The following HESX1 variants were observed in gnomAD, a reference collection of about 807,000 sequenced individuals.
HESX1 encodes HESX homeobox 1, also known as homeobox expressed in ES cells 1.
Under a neutral mutation model 22.5 loss-of-function variants are expected in HESX1, and 11 were observed. The observed-to-expected ratio is 0.49, with a 90% CI of 0.31 to 0.81. The LOEUF (loss-of-function observed/expected upper bound fraction) is 0.81. Among genes scored for constraint, HESX1 ranks in the 30% least tolerant of loss-of-function variants. The pLI, the probability that HESX1 is intolerant of heterozygous loss-of-function variation, is 0.05. For synonymous variants in HESX1, 74 were observed against 76.5 expected, an observed-to-expected ratio of 0.97 and a Z score of 0.17; for missense variants, 201 against 212.6, an observed-to-expected ratio of 0.95 and a Z score of 0.34.
At chr3:57,218,439 C>CTTT (rs60734023) in intron 1 of HESX1, among the ~76,000 whole-genome samples, 190 of 102,132 alleles carry the variant, frequency 1.9e-3, no homozygotes, top group African/African-American at 2.1e-3. Flanking sequence ...TGATCTCATT[C>CTTT]TTTTTTTTTT....
At chr3:57,212,144 A>G (rs1205305701) in intron 1 of HESX1, among the ~76,000 whole-genome samples, 1 of 152,112 alleles carries the variant, frequency 6.6e-6, no homozygotes, top group Non-Finnish European at 1.5e-5. Context: ...AAAGTATTAT[A>G]TTTTTCATTT....
At chr3:57,208,148 T>C (rs983556165) in intron 1 of HESX1, among the ~76,000 whole-genome samples, 1 of 152,096 alleles carries the variant, frequency 6.6e-6, no homozygotes, top group Non-Finnish European at 1.5e-5. Context: ...GAGGAAACTT[T>C]TTGGGGTGAT....
intron 1 of HESX1, among the ~76,000 whole-genome samples, chr3:57,211,184 C>T (rs1252810051): frequency 7.8e-6 from 1 of 127,582 alleles, no homozygotes. Flanking sequence ...TGCCATTGCA[C>T]TCCAGCCTGG....
chr3:57,199,992 T>A, upstream of HESX1: 3 of 1,313,774 alleles, frequency 2.3e-6, no homozygotes, highest in Non-Finnish European at 3.3e-6. Context: ...GCTGGGATCT[T>A]CCTGCAGTTC....
At chr3:57,201,903 C>CTA, upstream of HESX1, among the ~76,000 whole-genome samples, 1 of 151,622 alleles carries the variant, frequency 6.6e-6, no homozygotes, top group Non-Finnish European at 1.5e-5. Flanking sequence ...ATCTATCTAT[C>CTA]TATCTATCTA....
At chr3:57,208,875 A>T (rs1431752387) in intron 1 of HESX1, among the ~76,000 whole-genome samples, 1 of 151,710 alleles carries the variant, frequency 6.6e-6, no homozygotes, top group Non-Finnish European at 1.5e-5. Context: ...GCATGAGAAT[A>T]GCTTGAACTG....
rs1027014159 is a variant in HESX1, at chr3:57,199,269, A to T, written c.158-317T>A. 1.1e-4 allele frequency among the ~76,000 whole-genome samples: 17 copies of T among 152,338 alleles called. No individual in the cohort carries two copies. The East Asian group carries it at 2.3e-3, about 21-fold the overall frequency. On this transcript the variant is annotated intron_variant, in intron 1 of 3. Transcript: ENST00000295934. ...GTGAGTGAATTTATCCACTTTGCTC[A>T]ATCCAAAGCTGATATTCTTTTAATT...
At position 57,207,098 on chromosome 3, in the gene HESX1, C is replaced by T. The variant is rs539407288; in HGVS notation, c.-110-7070G>A. Among the ~76,000 whole-genome samples the T allele has an allele frequency of 3.9e-5, 6 of 152,306 alleles. No homozygotes were observed. In the East Asian group the frequency reaches 7.7e-4, roughly 20 times the overall value. ...GAGTAACTGGGATTACAGGTGCGTG[C>T]CACCATGCCGGGCTAATTTTTTGTA... On this transcript the variant is annotated intron_variant, in intron 1 of 2. Transcript: ENST00000495160.
At chr3:57,198,326 A>C in intron 3 of HESX1, 31 bp from the exon 4 acceptor site, 2 of 1,569,772 alleles carry the variant, frequency 1.3e-6, no homozygotes, top group East Asian at 4.5e-5. Flanking sequence ...AATAGGTCTC[A>C]GAAACATTAT....
chr3:57,202,171 G>A (rs1400379535), upstream of HESX1, among the ~76,000 whole-genome samples: 3 of 151,786 alleles, frequency 2.0e-5, no homozygotes, highest in Non-Finnish European at 2.9e-5. Flanking sequence ...CGCCCGCTTC[G>A]GCCTCCCAAA....
chr3:57,212,928 G>A (rs1156432553), intron 1 of HESX1, among the ~76,000 whole-genome samples: 1 of 152,010 alleles, frequency 6.6e-6, no homozygotes, highest in Non-Finnish European at 1.5e-5. Flanking sequence ...TTCTCCTAAT[G>A]CTATCCCTCC....
At chr3:57,203,296 T>C (rs2060500550), upstream of HESX1, among the ~76,000 whole-genome samples, 2 of 152,114 alleles carry the variant, frequency 1.3e-5, no homozygotes, top group South Asian at 4.1e-4. Flanking sequence ...GACAATTGTT[T>C]AGCGGCAAAA....
At chr3:57,217,716 T>G (rs762159963) in intron 1 of HESX1, among the ~76,000 whole-genome samples, 2 of 152,120 alleles carry the variant, frequency 1.3e-5, no homozygotes, top group Non-Finnish European at 2.9e-5. Context: ...CCCCTTGGGT[T>G]CTGAAATCCT....
At position 57,198,796 on chromosome 3, in the gene HESX1, C is replaced by T. The variant is rs766914479; in HGVS notation, c.314G>A (p.Trp105Ter). Reference sequence around the variant, plus strand: ...AGTTCTTGGTCTTCGGCCTCTATACCAACTCAACTCTCTTTTCAAAGACAG... The same window carrying T: ...AGTTCTTGGTCTTCGGCCTCTATACTAACTCAACTCTCTTTTCAAAGACAG... ...ERLSLKRELSWYRGRRPRTAF... is the reference protein window; with the variant it reads ...ERLSLKRELS Residue 105 changes from tryptophan to a stop codon, truncating the protein, a stop_gained, in exon 2 of 4, where the codon TGG (tryptophan) becomes TAG (stop). Transcript: ENST00000295934. LOFTEE classifies it high-confidence loss of function. The T allele has an allele frequency of 6.2e-7, 1 of 1,614,056 alleles. No homozygotes were observed. Among genetic ancestry groups the T allele is most frequent in the Non-Finnish European group, 8.5e-7 (1 of 1,180,016 alleles).
chr3:57,205,104 A>G (rs1304244402), intron 1 of HESX1, among the ~76,000 whole-genome samples: 4 of 152,062 alleles, frequency 2.6e-5, no homozygotes, highest in African/African-American at 9.7e-5. Flanking sequence ...TCATGTCACA[A>G]CTGTGCTCAA....
chr3:57,201,119 T>C (rs1339103679), upstream of HESX1, among the ~76,000 whole-genome samples: 3 of 152,200 alleles, frequency 2.0e-5, no homozygotes, highest in Non-Finnish European at 2.9e-5. Context: ...AAAAACAGTC[T>C]CCACTCATAG....
At chr3:57,199,610 A>G in intron 1 of HESX1, 152 bp downstream of exon 1, 1 of 377,192 alleles carries the variant, frequency 2.7e-6, no homozygotes, top group South Asian at 8.5e-5. Flanking sequence ...CAAGACCAAC[A>G]CTCTGTCTCA....
chr3:57,206,993 G>C (rs1183862329), intron 1 of HESX1, among the ~76,000 whole-genome samples: 1 of 152,082 alleles, frequency 6.6e-6, no homozygotes, highest in Admixed American at 6.5e-5. Context: ...TGTCGCCCAG[G>C]CTGGAGTGCA....
chr3:57,211,521 C>A (rs1369401640), intron 1 of HESX1, among the ~76,000 whole-genome samples: 2 of 45,442 alleles, frequency 4.4e-5, no homozygotes, highest in African/African-American at 7.9e-5. Flanking sequence ...CAGAGAGAGA[C>A]CTTGTCAAAA....
Sources: gnomAD v4.1 joint callset for allele counts (sites outside exome capture counted in the v4.1 genomes callset) on GRCh38, gnomAD v4.1.1 for gene constraint, MANE v1.5 for transcripts, NCBI Gene and HGNC (gene_info 2026-07-23, HGNC 2026-07-21) for gene names.